HMGA2: variants seen among roughly 807,000 people sequenced by gnomAD.
HMGA2 encodes the protein high mobility group protein HMGI-C.
In HMGA2, 8 loss-of-function variants were observed where a neutral mutation model predicts 19.1. The ratio of observed to expected loss-of-function variants is 0.42; its 90% CI spans 0.25 to 0.76. The LOEUF (loss-of-function observed/expected upper bound fraction) is 0.76, where lower values mean the gene tolerates loss of function less well. Ranked by LOEUF, HMGA2 falls within the 30% of genes least tolerant of loss-of-function variation. HMGA2 has a pLI of 0.28. For missense variants in HMGA2, 109 were observed against 136.3 expected (o/e 0.80, Z 1.00); for synonymous variants, 60 against 48.8 (o/e 1.23, Z -0.96).
At chr12:65,960,090 C>T (rs982479279) in intron 4 of HMGA2, among the ~76,000 whole-genome samples, 5 of 152,114 alleles carry the variant, frequency 3.3e-5, no homozygotes, top group African/African-American at 7.2e-5. Context: ...GGGGTTTCAC[C>T]GTGTTAGCCA....
intron 3 of HMGA2, among the ~76,000 whole-genome samples, chr12:65,905,267 T>C (rs1874542619): frequency 6.6e-6 from 1 of 152,110 alleles, no homozygotes; most frequent in African/African-American, 2.4e-5. Flanking sequence ...ACAATATTGA[T>C]ATAGTCAGTT....
chr12:65,884,749 T>C (rs1873585403), intron 3 of HMGA2, among the ~76,000 whole-genome samples: 2 of 152,232 alleles, frequency 1.3e-5, no homozygotes, highest in Non-Finnish European at 2.9e-5. Flanking sequence ...TCTGGATTAA[T>C]ATGTACTAGA....
intron 3 of HMGA2, chr12:65,915,405 C>T (rs1875057941): frequency 1.4e-5 from 18 of 1,283,098 alleles, no homozygotes; most frequent in Admixed American, 1.0e-4. Flanking sequence ...CCTGCGGGGA[C>T]AGCTTAGAGA....
chr12:65,833,382 CAG>C (rs1870557533), intron 2 of HMGA2, among the ~76,000 whole-genome samples: 1 of 150,126 alleles, frequency 6.7e-6, no homozygotes, highest in African/African-American at 2.5e-5. Flanking sequence ...GCAAACAAGA[CAG>C]GGCACCATCA....
chr12:65,937,982 C>A (rs1220251543), intron 3 of HMGA2, among the ~76,000 whole-genome samples: 1 of 152,168 alleles, frequency 6.6e-6, no homozygotes, highest in Non-Finnish European at 1.5e-5. Context: ...CTCTCCATGG[C>A]CCTGGGGTAA....
intron 3 of HMGA2, among the ~76,000 whole-genome samples, chr12:65,946,197 T>C (rs1353878705): frequency 1.3e-5 from 2 of 152,154 alleles, no homozygotes; most frequent in Non-Finnish European, 2.9e-5. Flanking sequence ...TATATTGCTA[T>C]GAGAATGGAA....
At chr12:65,903,542 G>T (rs933658666) in intron 3 of HMGA2, among the ~76,000 whole-genome samples, 1 of 152,226 alleles carries the variant, frequency 6.6e-6, no homozygotes, top group Non-Finnish European at 1.5e-5. Context: ...CATCGCCGGG[G>T]AGGTGGGGGC....
intron 3 of HMGA2, among the ~76,000 whole-genome samples, chr12:65,922,638 T>C (rs1238521517): frequency 2.0e-5 from 3 of 152,048 alleles, no homozygotes; most frequent in African/African-American, 7.2e-5. Context: ...AGCTAAGACT[T>C]TGGGGGACTG....
At chr12:65,908,704 T>A (rs535907713) in intron 3 of HMGA2, among the ~76,000 whole-genome samples, 1 of 152,218 alleles carries the variant, frequency 6.6e-6, no homozygotes, top group African/African-American at 2.4e-5. Context: ...ACTTAATAGA[T>A]GCCTATGTTT....
intron 4 of HMGA2, chr12:65,951,754 T>A (rs936982169): frequency 4.3e-5 from 9 of 208,230 alleles, no homozygotes; most frequent in Non-Finnish European, 2.8e-5. Context: ...TCCTTCCAAC[T>A]GACTGTCTAT....
intron 2 of HMGA2, among the ~76,000 whole-genome samples, chr12:65,835,212 G>A (rs987455709): frequency 1.3e-5 from 2 of 152,110 alleles, no homozygotes; most frequent in African/African-American, 4.8e-5. Context: ...CCTCCTGAAT[G>A]TTTTGTTTGT....
intron 3 of HMGA2, among the ~76,000 whole-genome samples, chr12:65,892,564 C>G (rs1873956366): frequency 6.6e-6 from 1 of 152,022 alleles, no homozygotes; most frequent in Admixed American, 6.5e-5. Flanking sequence ...TTTGTAAGGT[C>G]TCAGTTGGAT....
At chr12:65,854,600 C>T (rs1316633356) in intron 3 of HMGA2, among the ~76,000 whole-genome samples, 2 of 152,188 alleles carry the variant, frequency 1.3e-5, no homozygotes, top group East Asian at 1.9e-4. Flanking sequence ...TTCCAGGGTG[C>T]ATGTGCAGGA....
chr12:65,903,389 T>G (rs958266259), intron 3 of HMGA2, among the ~76,000 whole-genome samples: 43 of 152,176 alleles, frequency 2.8e-4, no homozygotes, highest in African/African-American at 8.0e-4. Context: ...AGCCATCAGT[T>G]TGAGTAACAT....
At position 65,963,831 on chromosome 12, in the gene HMGA2, C is replaced by G. The variant is rs1477389317; in HGVS notation, c.*539C>G. 4.5e-6 allele frequency: 1 copy of G among 221,154 alleles called. No individual in the cohort carries two copies. The highest frequency in any genetic ancestry group is 9.1e-6 in the Non-Finnish European group (1 of 110,352). 13.7% of individuals were successfully genotyped at this position (221,154 alleles called of 1,614,324 possible). A position where few individuals can be genotyped will look rare whatever the true frequency, so the allele number is the denominator to read the frequency against. On this transcript the variant is annotated 3_prime_UTR_variant, in exon 5 of 5. Transcript: ENST00000403681. ...AGATAAGGACTAGATACTACTTTCT[C>G]TTTTTCGTATAATCTTGTAGACACT...
chr12:65,870,497 G>T (rs538191671), intron 3 of HMGA2, among the ~76,000 whole-genome samples: 76 of 152,114 alleles, frequency 5.0e-4, no homozygotes, highest in African/African-American at 1.6e-3. Flanking sequence ...TTGGGAGGCC[G>T]AGGCAGGCAG....
intron 3 of HMGA2, among the ~76,000 whole-genome samples, chr12:65,928,308 G>T (rs1216706426): frequency 6.6e-6 from 1 of 152,046 alleles, no homozygotes; most frequent in Non-Finnish European, 1.5e-5. Context: ...TTTTAAAATG[G>T]TACACCTGTA....
At chr12:65,891,625 A>T (rs1354968424) in intron 3 of HMGA2, among the ~76,000 whole-genome samples, 2 of 152,210 alleles carry the variant, frequency 1.3e-5, no homozygotes, top group African/African-American at 4.8e-5. Context: ...TAAAATGCCC[A>T]AGATGGGAGA....
intron 3 of HMGA2, chr12:65,915,246 T>G: frequency 6.4e-7 from 1 of 1,555,768 alleles, no homozygotes; most frequent in Non-Finnish European, 8.7e-7. Flanking sequence ...CTATCAGGTG[T>G]CTTTTAGATC....
Sources: allele counts gnomAD v4.1 joint callset (sites outside exome capture counted in the v4.1 genomes callset), GRCh38; gene constraint gnomAD v4.1.1; transcripts MANE v1.5; gene names NCBI Gene and HGNC (gene_info 2026-07-23, HGNC 2026-07-21).